BORCS7: variants seen among roughly 807,000 people sequenced by gnomAD.
BORCS7 encodes BLOC-1-related complex subunit 7.
BORCS7 carries 20 observed loss-of-function variants against 17.5 expected under a neutral mutation model. The ratio of observed to expected loss-of-function variants is 1.14; its 90% confidence interval spans 0.80 to 1.66. The LOEUF is 1.66. Among genes scored for constraint, BORCS7 ranks in the 40% most tolerant of loss-of-function variants. BORCS7 has a pLI of 0.00. For missense variants in BORCS7, 122 were observed against 129.7 expected (o/e 0.94, Z 0.29); for synonymous variants, 57 against 49.8 (o/e 1.14, Z -0.61).
chr10:102,858,582 G>A (rs949496504), intron 1 of BORCS7, among the ~76,000 whole-genome samples: 12 of 151,650 alleles, frequency 7.9e-5, no homozygotes, highest in African/African-American at 2.7e-4. Flanking sequence ...TCCAGGATGC[G>A]GAGGTTGCAG....
intron 1 of BORCS7, among the ~76,000 whole-genome samples, chr10:102,859,125 C>T (rs1844474143): frequency 6.7e-6 from 1 of 149,758 alleles, no homozygotes; most frequent in African/African-American, 2.5e-5. Flanking sequence ...TCTGCCTGCA[C>T]ATTTCTCCTT....
chr10:102,856,855 C>T (rs1844435317), intron 1 of BORCS7, among the ~76,000 whole-genome samples: 1 of 152,214 alleles, frequency 6.6e-6, no homozygotes, highest in Non-Finnish European at 1.5e-5. Flanking sequence ...CCACAACTCC[C>T]ATTGAGTCTG....
chr10:102,864,048 A>G lies in BORCS7; in HGVS notation c.*1124A>G, dbSNP rs1295705192. 2.6e-5 allele frequency: 4 copies of G among 152,214 alleles called. No individual in the cohort carries two copies. The allele number at this position is 152,214 out of a possible 1,614,324, so 9.4% of individuals were successfully genotyped here. A position where few individuals can be genotyped will look rare whatever the true frequency, so the allele number is the denominator to read the frequency against. On this transcript the variant is annotated 3_prime_UTR_variant, in exon 5 of 5. Transcript: ENST00000339834. The stretch of plus-strand genomic sequence containing the variant: ...CATTGGATCCATCTTTTTAAATGAC[A>G]TTACCATGAGTCTGTTGTCAAACCT...
At chr10:102,858,150 G>A (rs1434738013) in intron 1 of BORCS7, among the ~76,000 whole-genome samples, 11 of 143,342 alleles carry the variant, frequency 7.7e-5, no homozygotes, top group Non-Finnish European at 1.1e-4. Flanking sequence ...GGGTGACAGA[G>A]TGAGACCATG....
At chr10:102,854,593 C>A in intron 1 of BORCS7, 166 bp downstream of exon 1, 1 of 814,022 alleles carries the variant, frequency 1.2e-6, no homozygotes, top group Non-Finnish European at 1.8e-6. Flanking sequence ...GGTGTGCAGT[C>A]TCTTTGGTTA....
At chr10:102,862,594 A>G (rs1429164974) in intron 4 of BORCS7, among the ~76,000 whole-genome samples, 1 of 152,214 alleles carries the variant, frequency 6.6e-6, no homozygotes, top group Non-Finnish European at 1.5e-5. Context: ...CTGGGACACA[A>G]CTGGACCAAT....
rs138837891 is a variant in BORCS7, at chr10:102,860,566, A to G, written c.248+25A>G. ...AGTGAGTATGCCCCCTCCAGCAACT[A>G]TTTGCTGCAGAATCATTATCCCTGG... On this transcript the variant is annotated intron_variant, in intron 3 of 4. Coordinates refer to ENST00000339834, the MANE Select transcript of BORCS7 (RefSeq NM_001136200.2). The G allele has an allele frequency of 4.2e-5, 68 of 1,605,848 alleles. No individual in the cohort carries two copies. In the South Asian group the frequency reaches 6.8e-4, roughly 16 times the overall value.
At chr10:102,862,067 C>A in intron 3 of BORCS7, 93 bp from the exon 4 acceptor site, 1 of 1,223,424 alleles carries the variant, frequency 8.2e-7, no homozygotes, top group Non-Finnish European at 1.2e-6. Flanking sequence ...GTGACATAAG[C>A]TGAAATTTCT....
intron 3 of BORCS7, 164 bp downstream of exon 3, chr10:102,860,705 A>G (rs1770118476): frequency 2.9e-6 from 2 of 698,234 alleles, no homozygotes; most frequent in South Asian, 3.4e-5. Flanking sequence ...GAGACTACAG[A>G]AGAAGTGGGG....
intron 1 of BORCS7, among the ~76,000 whole-genome samples, chr10:102,854,958 ATATT>A (rs1844402525): frequency 6.8e-6 from 1 of 147,204 alleles, no homozygotes; most frequent in South Asian, 2.1e-4. Flanking sequence ...ATATACATAT[ATATT>A]ATATATAATA....
intron 3 of BORCS7, chr10:102,860,803 C>G: frequency 1.7e-6 from 1 of 575,338 alleles, no homozygotes; most frequent in East Asian, 2.9e-5. Context: ...ACTATAAACC[C>G]TGTAAAGGCA....
chr10:102,859,754 C>T (rs1054090430), intron 1 of BORCS7, among the ~76,000 whole-genome samples: 4 of 150,546 alleles, frequency 2.7e-5, no homozygotes, highest in African/African-American at 4.9e-5. Flanking sequence ...GGTAGAGATG[C>T]GGTTTCACCA....
At chr10:102,854,897 T>C (rs1420175955) in intron 1 of BORCS7, among the ~76,000 whole-genome samples, 6 of 147,480 alleles carry the variant, frequency 4.1e-5, no homozygotes, top group South Asian at 4.2e-4. Flanking sequence ...TATTATATAA[T>C]ATATATACGT....
chr10:102,861,747 GCAAA>G (rs574112760), intron 3 of BORCS7, among the ~76,000 whole-genome samples: 7 of 151,016 alleles, frequency 4.6e-5, no homozygotes, highest in African/African-American at 9.8e-5. Context: ...AAAAACAAAA[GCAAA>G]CAAACAAAAT....
At chr10:102,855,177 T>TG (rs1324667677) in intron 1 of BORCS7, among the ~76,000 whole-genome samples, 1 of 148,682 alleles carries the variant, frequency 6.7e-6, no homozygotes, top group East Asian at 1.9e-4. Context: ...TTTTTTTTTT[T>TG]GAGACGGAGT....
intron 1 of BORCS7, among the ~76,000 whole-genome samples, chr10:102,859,757 T>G (rs1372395156): frequency 2.6e-5 from 4 of 151,554 alleles, no homozygotes; most frequent in African/African-American, 9.7e-5. Flanking sequence ...AGAGATGCGG[T>G]TTCACCATGT....
intron 1 of BORCS7, among the ~76,000 whole-genome samples, chr10:102,858,176 A>T (rs144499417): frequency 0.072 from 8,781 of 121,402 alleles, 331 homozygotes; most frequent in East Asian, 0.1. Context: ...AAAAAAAAAA[A>T]ATATATATAT....
At chr10:102,858,563 T>C (rs141327311) in intron 1 of BORCS7, among the ~76,000 whole-genome samples, 5 of 151,944 alleles carry the variant, frequency 3.3e-5, no homozygotes, top group African/African-American at 1.2e-4. Flanking sequence ...TGCAGGAGAA[T>C]CTCTTGAATC....
At position 102,862,894 on chromosome 10, in the gene BORCS7, A is replaced by T. The variant is rs771248498; in HGVS notation, c.291A>T (p.Leu97=). The change falls in exon 5 of 5, where the codon CTA becomes CTT. Residue 97 remains leucine (L), a synonymous_variant. Coordinates refer to ENST00000339834, the MANE Select transcript of BORCS7 (RefSeq NM_001136200.2). ...CTAGTGTTGAACAGTCATCGGATCT[A>T]CAGGACCAGTTGAATCATCTGTTGA... is the stretch of plus-strand genomic sequence containing the variant. ...IQKNVEQSSD[L]QDQLNHLLK The T allele has an allele frequency of 1.1e-5, 17 of 1,610,506 alleles. No homozygotes were observed. The Admixed American group carries it at 1.5e-4, about 14-fold the overall frequency.
Sources: gnomAD v4.1 joint callset for allele counts (sites outside exome capture counted in the v4.1 genomes callset) on GRCh38, gnomAD v4.1.1 for gene constraint, MANE v1.5 for transcripts, NCBI Gene and HGNC (gene_info 2026-07-23, HGNC 2026-07-21) for gene names.